AKR1A1: variants seen among roughly 807,000 people sequenced by gnomAD.
AKR1A1 encodes the protein HEL-S-165mP.
A neutral mutation model predicts 39.2 loss-of-function variants in AKR1A1; 26 were observed. That is an observed-to-expected ratio of 0.66 (90% CI 0.49 to 0.92). The LOEUF (loss-of-function observed/expected upper bound fraction) is 0.92. AKR1A1 is among the 40% of genes least tolerant of loss of function. The pLI is 0.00. For synonymous variants in AKR1A1, 141 were observed against 155.5 expected (o/e 0.91, Z 0.69); for missense variants, 378 against 406.5 (o/e 0.93, Z 0.60).
Position 45,566,599 on chromosome 1 carries a change from G to T in AKR1A1, c.115G>T (p.Val39Leu). 1 of 1,614,252 alleles carries T rather than the reference G, an allele frequency of 6.2e-7. No homozygotes were observed. Among genetic ancestry groups the T allele is most frequent in the Non-Finnish European group, 8.5e-7 (1 of 1,180,052 alleles). ...AGCAGCTGTTAAGTATGCCCTTAGCGTAGGCTACCGCCACATTGATTGTGC... is the reference window on the plus strand; with the variant it reads ...AGCAGCTGTTAAGTATGCCCTTAGCTTAGGCTACCGCCACATTGATTGTGC... ...VKAAVKYALS[V>L]GYRHIDCAAI... The change falls in exon 3 of 9, where the codon GTA becomes TTA. Residue 39 changes from valine to leucine, a missense_variant. Coordinates refer to ENST00000351829, the MANE Select transcript of AKR1A1 (RefSeq NM_153326.3).
At chr1:45,569,573 C>T (rs991683068) in intron 8 of AKR1A1, among the ~76,000 whole-genome samples, 4 of 152,112 alleles carry the variant, frequency 2.6e-5, no homozygotes, top group Non-Finnish European at 5.9e-5. Context: ...GCCCAGAAGG[C>T]GTTGTTGACC....
At chr1:45,557,074 C>T (rs1644214690) in intron 1 of AKR1A1, among the ~76,000 whole-genome samples, 2 of 151,670 alleles carry the variant, frequency 1.3e-5, no homozygotes, top group Non-Finnish European at 2.9e-5. Flanking sequence ...CCTGTAATCC[C>T]AGCTACTGGG....
intron 2 of AKR1A1, 120 bp downstream of exon 2, chr1:45,561,998 C>T: frequency 2.0e-6 from 2 of 978,218 alleles, no homozygotes; most frequent in Admixed American, 2.3e-5. Context: ...TAAGAGAAGA[C>T]ACCAATTATA....
chr1:45,556,305 G>C (rs1319500518), intron 1 of AKR1A1, among the ~76,000 whole-genome samples: 1 of 152,226 alleles, frequency 6.6e-6, no homozygotes, highest in Non-Finnish European at 1.5e-5. Flanking sequence ...GGTTTCCGCC[G>C]GGCGCGGCGG....
At chr1:45,569,415 G>A (rs1644387145) in intron 8 of AKR1A1, among the ~76,000 whole-genome samples, 186 bp downstream of exon 8, 1 of 152,120 alleles carries the variant, frequency 6.6e-6, no homozygotes. Flanking sequence ...TCAGGGATAA[G>A]GCATATAACC....
intron 2 of AKR1A1, among the ~76,000 whole-genome samples, chr1:45,565,495 G>A (rs545415646): frequency 1.2e-4 from 18 of 150,494 alleles, no homozygotes; most frequent in Non-Finnish European, 2.2e-4. Context: ...TTTTTGAGAC[G>A]GAGTCTCACT....
intron 1 of AKR1A1, among the ~76,000 whole-genome samples, chr1:45,561,027 G>A (rs948662532): frequency 1.3e-5 from 2 of 151,914 alleles, no homozygotes; most frequent in Non-Finnish European, 2.9e-5. Flanking sequence ...GTGCCTGGCC[G>A]AGAATCTCTG....
In AKR1A1 at chr1:45,569,169, A is replaced by C. The variant is rs146516593; in HGVS notation, c.852A>C (p.Glu284Asp). Reference protein sequence around the residue: ...IKVFDFTFSPEEMKQLNALNK... With the variant: ...IKVFDFTFSPDEMKQLNALNK... ...TGTTTGACTTCACCTTTAGCCCAGA[A>C]GAGATGAAGCAGCTAAATGCCCTGA... The change falls in exon 8 of 9, where the codon GAA becomes GAC. Residue 284 changes from glutamate (E) to aspartate (D), a missense_variant. Transcript: ENST00000351829. The C allele has an allele frequency of 1.2e-6, 2 of 1,614,134 alleles. No individual in the cohort carries two copies. Among genetic ancestry groups the C allele is most frequent in the East Asian group, 2.2e-5 (1 of 44,880 alleles).
At chr1:45,568,226 C>A in intron 5 of AKR1A1, 49 bp downstream of exon 5, 1 of 1,549,746 alleles carries the variant, frequency 6.5e-7, no homozygotes, top group Non-Finnish European at 8.8e-7. Flanking sequence ...TGCTCAAGAG[C>A]ATGAGGGAGC....
chr1:45,564,391 G>T (rs1017252741), intron 2 of AKR1A1, among the ~76,000 whole-genome samples: 1 of 152,166 alleles, frequency 6.6e-6, no homozygotes, highest in African/African-American at 2.4e-5. Flanking sequence ...TGGGTGCTTT[G>T]TGTCTAGGGC....
At chr1:45,566,496 A>C in intron 2 of AKR1A1, 73 bp from the exon 3 acceptor site, 1 of 1,589,474 alleles carries the variant, frequency 6.3e-7, no homozygotes, top group South Asian at 1.1e-5. Flanking sequence ...TTCCCCCAGC[A>C]TTGACCTTGG....
intron 1 of AKR1A1, among the ~76,000 whole-genome samples, chr1:45,557,513 A>T (rs997953557): frequency 3.3e-5 from 5 of 152,190 alleles, no homozygotes; most frequent in African/African-American, 1.2e-4. Flanking sequence ...GAGAAGCAAG[A>T]TTCAGGTTTC....
At chr1:45,567,659 C>T (rs1423499053) in intron 4 of AKR1A1, 1 of 183,266 alleles carries the variant, frequency 5.5e-6, no homozygotes, top group Non-Finnish European at 1.1e-5. Flanking sequence ...AACCCCGTCT[C>T]TACTAAAAAT....
chr1:45,566,870 CG>C lies in AKR1A1; in HGVS notation c.208del (p.Val70CysfsTer8), dbSNP rs1644350926. On this transcript the variant is annotated frameshift_variant and splice_region_variant, in exon 4 of 9. Transcript: ENST00000351829. LOFTEE classifies it high-confidence loss of function. ...ALKEDVGPGK[A>X]VPREELFVTS... ...TGTGGGCCCTGCCCCCTGCACTAGG[CG>C]GTGCCTCGGGAGGAGCTGTTTGTGA... The C allele has an allele frequency of 6.2e-7, 1 of 1,613,378 alleles. No homozygotes were observed. Among genetic ancestry groups the C allele is most frequent in the Admixed American group, 1.7e-5 (1 of 59,960 alleles).
At chr1:45,555,618 T>TA (rs1644191921) in intron 1 of AKR1A1, among the ~76,000 whole-genome samples, 1 of 152,196 alleles carries the variant, frequency 6.6e-6, no homozygotes, top group African/African-American at 2.4e-5. Context: ...ACTATGCCAT[T>TA]TTATATAAGG....
At chr1:45,567,174 C>T in intron 4 of AKR1A1, 154 bp downstream of exon 4, 5 of 1,043,230 alleles carry the variant, frequency 4.8e-6, no homozygotes, top group Non-Finnish European at 6.8e-6. Flanking sequence ...TCTTCTGCTA[C>T]AGCAGCTTAG....
chr1:45,568,837 C>T, intron 6 of AKR1A1, 90 bp from the exon 7 acceptor site: 3 of 1,532,968 alleles, frequency 2.0e-6, no homozygotes, highest in Non-Finnish European at 2.7e-6. Context: ...GGCTCAGGTG[C>T]TCCAGGAGCT....
chr1:45,568,324 A>C (rs1644372344), intron 5 of AKR1A1, 147 bp downstream of exon 5: 3 of 1,254,244 alleles, frequency 2.4e-6, no homozygotes, highest in Non-Finnish European at 2.2e-6. Flanking sequence ...GCATTGAAGC[A>C]GTGGGAGAGA....
At chr1:45,565,122 ATTTTTT>A (rs11351880) in intron 2 of AKR1A1, among the ~76,000 whole-genome samples, 4 of 53,568 alleles carry the variant, frequency 7.5e-5, no homozygotes, top group African/African-American at 1.8e-4. Flanking sequence ...ACACCCAGCC[ATTTTTT>A]TTTTTTTTTT....
Sources: gnomAD v4.1 joint callset for allele counts (sites outside exome capture counted in the v4.1 genomes callset) on GRCh38, gnomAD v4.1.1 for gene constraint, MANE v1.5 for transcripts, NCBI Gene and HGNC (gene_info 2026-07-23, HGNC 2026-07-21) for gene names.